Variants in CDH13 observed in about 807,000 individuals in gnomAD.
CDH13 encodes the protein cadherin-13.
A neutral mutation model predicts 63.8 loss-of-function variants in CDH13; 24 were observed. That is an observed-to-expected ratio of 0.38 (90% CI 0.27 to 0.53). The LOEUF (loss-of-function observed/expected upper bound fraction) is 0.53. Ranked by LOEUF, CDH13 falls within the 20% of genes least tolerant of loss-of-function variation. CDH13 has a pLI of 0.85. For synonymous variants in CDH13, 503 were observed against 355.3 expected (o/e 1.42, Z -4.67); for missense variants, 1,049 against 903.1 (o/e 1.16, Z -2.07).
intron 5 of CDH13, among the ~76,000 whole-genome samples, chr16:83,220,167 C>T (rs1405660359): frequency 3.9e-5 from 6 of 152,178 alleles, no homozygotes; most frequent in Admixed American, 3.9e-4. Context: ...CGGTCATTGT[C>T]CTGTTTTCAT....
At chr16:83,426,688 C>T (rs759073702) in intron 6 of CDH13, among the ~76,000 whole-genome samples, 7 of 152,038 alleles carry the variant, frequency 4.6e-5, no homozygotes, top group Non-Finnish European at 1.0e-4. Context: ...TGGTGCTTGG[C>T]ATGTAGATAG....
At chr16:83,749,796 G>C (rs1172263602) in intron 11 of CDH13, among the ~76,000 whole-genome samples, 1 of 152,144 alleles carries the variant, frequency 6.6e-6, no homozygotes, top group Non-Finnish European at 1.5e-5. Context: ...TGTCCTAACT[G>C]TTCTGATGGA....
intron 7 of CDH13, among the ~76,000 whole-genome samples, chr16:83,528,197 C>T (rs2075005486): frequency 6.6e-6 from 1 of 152,226 alleles, no homozygotes; most frequent in Admixed American, 6.5e-5. Context: ...CGCATGCCTT[C>T]TTCCTTAAAT....
intron 1 of CDH13, among the ~76,000 whole-genome samples, chr16:82,640,182 G>T (rs1173483306): frequency 6.6e-6 from 1 of 152,174 alleles, no homozygotes; most frequent in Admixed American, 6.5e-5. Flanking sequence ...GTGTTGTTCT[G>T]AGCTTGTCCA....
intron 4 of CDH13, among the ~76,000 whole-genome samples, chr16:83,177,837 T>C (rs2038190222): frequency 6.6e-6 from 1 of 152,178 alleles, no homozygotes; most frequent in South Asian, 2.1e-4. Context: ...ACAATGATAA[T>C]TATTTGCAGT....
intron 3 of CDH13, among the ~76,000 whole-genome samples, chr16:83,059,314 A>C (rs2031279027): frequency 6.6e-6 from 1 of 152,150 alleles, no homozygotes; most frequent in Admixed American, 6.5e-5. Context: ...GCCTGGGAGC[A>C]GGGAGAGCGG....
At chr16:83,328,167 T>G (rs1472501817) in intron 5 of CDH13, among the ~76,000 whole-genome samples, 1 of 151,930 alleles carries the variant, frequency 6.6e-6, no homozygotes, top group African/African-American at 2.4e-5. Context: ...AGACCTCTTT[T>G]GTGCACAAGT....
chr16:82,984,439 TGA>T (rs1910682049), intron 2 of CDH13, among the ~76,000 whole-genome samples: 1 of 152,210 alleles, frequency 6.6e-6, no homozygotes, highest in Admixed American at 6.5e-5. Flanking sequence ...TGAGTGATCT[TGA>T]ATAAGATATT....
rs555693541 is a variant in CDH13 at position 83,124,689 on chromosome 16, T to C, written c.367-696T>C. 3.7e-4 allele frequency among the ~76,000 whole-genome samples: 57 copies of C among 152,300 alleles called. 1 individual carries two copies. The highest frequency in any genetic ancestry group is 1.2e-3 in the African/African-American group (50 of 41,578). ...TCCATCTTGAGTTAATTTTTGTATA[T>C]GGTGAAAGCTGTGGGTCCAATTTCA... is the stretch of plus-strand genomic sequence containing the variant. On this transcript the variant is annotated intron_variant, in intron 3 of 13. Transcript: ENST00000567109.
At chr16:83,152,879 G>A (rs963580194) in intron 4 of CDH13, among the ~76,000 whole-genome samples, 2 of 152,094 alleles carry the variant, frequency 1.3e-5, no homozygotes, top group Admixed American at 6.6e-5. Flanking sequence ...CTTAGAAAAA[G>A]GAAAAATACG....
At chr16:83,390,173 A>G (rs979919945) in intron 6 of CDH13, among the ~76,000 whole-genome samples, 2 of 150,578 alleles carry the variant, frequency 1.3e-5, no homozygotes, top group Non-Finnish European at 3.0e-5. Flanking sequence ...GAGCTGAGGA[A>G]CTCAGAAACA....
intron 6 of CDH13, among the ~76,000 whole-genome samples, chr16:83,432,351 TC>T (rs2072145865): frequency 1.3e-5 from 2 of 152,174 alleles, no homozygotes; most frequent in Admixed American, 6.5e-5. Flanking sequence ...CATCCTATAA[TC>T]TACCCCAATG....
At chr16:82,895,334 C>G (rs937999780) in intron 2 of CDH13, among the ~76,000 whole-genome samples, 1 of 152,142 alleles carries the variant, frequency 6.6e-6, no homozygotes, top group Non-Finnish European at 1.5e-5. Flanking sequence ...GCTTGTTACC[C>G]TCCCTCCTTC....
intron 11 of CDH13, among the ~76,000 whole-genome samples, chr16:83,755,682 C>G (rs974669647): frequency 6.6e-6 from 1 of 151,670 alleles, no homozygotes; most frequent in Non-Finnish European, 1.5e-5. Context: ...AAGATGCCTA[C>G]CAACCTAGAA....
At chr16:83,585,050 G>A (rs1395633375) in intron 7 of CDH13, among the ~76,000 whole-genome samples, 2 of 152,150 alleles carry the variant, frequency 1.3e-5, no homozygotes, top group South Asian at 2.1e-4. Flanking sequence ...AATTCAACAT[G>A]AGATTTGGTG....
chr16:82,845,971 A>G (rs553882635), intron 1 of CDH13, among the ~76,000 whole-genome samples: 1 of 152,226 alleles, frequency 6.6e-6, no homozygotes, highest in Admixed American at 6.5e-5. Context: ...TTCCATTTAG[A>G]CAAAAATTGT....
intron 8 of CDH13, among the ~76,000 whole-genome samples, chr16:83,659,425 G>C (rs1446530626): frequency 1.3e-5 from 2 of 152,268 alleles, no homozygotes; most frequent in African/African-American, 4.8e-5. Context: ...TCACCAGCAA[G>C]GTCCCAACAC....
intron 8 of CDH13, among the ~76,000 whole-genome samples, chr16:83,631,707 G>A (rs1035727533): frequency 5.3e-5 from 8 of 152,052 alleles, no homozygotes; most frequent in African/African-American, 2.4e-5. Context: ...ATGTTGATGA[G>A]GGGAGCCAGC....
chr16:83,524,811 C>A (rs2074922754), intron 7 of CDH13, among the ~76,000 whole-genome samples: 1 of 152,102 alleles, frequency 6.6e-6, no homozygotes, highest in Non-Finnish European at 1.5e-5. Context: ...ACCTGTAGCA[C>A]TGAGAGTGTC....
Sources: gnomAD v4.1 joint callset for allele counts (sites outside exome capture counted in the v4.1 genomes callset) on GRCh38, gnomAD v4.1.1 for gene constraint, MANE v1.5 for transcripts, NCBI Gene and HGNC (gene_info 2026-07-23, HGNC 2026-07-21) for gene names.